The following TAOK3 variants were observed in gnomAD, a reference collection of about 807,000 sequenced individuals.
The protein encoded by TAOK3 is serine/threonine-protein kinase TAO3.
TAOK3 carries 40 observed loss-of-function variants against 120.4 expected under a neutral mutation model. The observed-to-expected ratio is 0.33, with a 90% confidence interval of 0.26 to 0.43. The LOEUF (loss-of-function observed/expected upper bound fraction) is 0.43. Ranked by LOEUF, TAOK3 falls within the 20% of genes least tolerant of loss-of-function variation. The pLI, the probability that TAOK3 is intolerant of heterozygous loss-of-function variation, is 1.00. For synonymous variants in TAOK3, 355 were observed against 387.5 expected (o/e 0.92, Z 0.99); for missense variants, 821 against 1,112.1 (o/e 0.74, Z 3.72).
Position 118,149,863 on chromosome 12 carries a change from T to C in TAOK3, c.*1134A>G, listed in dbSNP as rs1233498026. On this transcript the variant is annotated 3_prime_UTR_variant, in exon 21 of 21. Coordinates refer to ENST00000392533, the MANE Select transcript of TAOK3 (RefSeq NM_016281.4). ...CTCTGACAGTTATCATGCTCTTCCT[T>C]GGAACCTGAAAAATGTTTTGTTTTG... is the stretch of plus-strand genomic sequence containing the variant. 2 of 152,128 alleles carry C rather than the reference T, an allele frequency of 1.3e-5. No individual in the cohort carries two copies. The highest frequency in any genetic ancestry group is 6.6e-5 in the Admixed American group (1 of 15,264). The allele number at this position is 152,128 out of a possible 1,614,324, so 9.4% of individuals were successfully genotyped here.
At chr12:118,242,159 T>G (rs191000920) in intron 5 of TAOK3, among the ~76,000 whole-genome samples, 10 of 152,152 alleles carry the variant, frequency 6.6e-5, no homozygotes, top group African/African-American at 2.2e-4. Context: ...TTGAAATACA[T>G]GAGATTTTAG....
intron 20 of TAOK3, 61 bp downstream of exon 20, chr12:118,152,166 G>C: frequency 2.0e-6 from 3 of 1,514,138 alleles, no homozygotes; most frequent in Non-Finnish European, 2.7e-6. Context: ...ATATATGGCA[G>C]TTCCCTCAGC....
intron 3 of TAOK3, among the ~76,000 whole-genome samples, chr12:118,254,659 G>A (rs2040902643): frequency 6.6e-6 from 1 of 152,176 alleles, no homozygotes; most frequent in Admixed American, 6.5e-5. Flanking sequence ...GTAATGTGCA[G>A]AGTTTTCTAG....
chr12:118,231,464 A>G lies in TAOK3; in HGVS notation c.643+2210T>C, dbSNP rs527753236. 2.0e-5 allele frequency among the ~76,000 whole-genome samples: 3 copies of G among 152,210 alleles called. No individual in the cohort carries two copies. In the East Asian group the frequency reaches 5.8e-4, roughly 29 times the overall value. ...TATGTTGTTTTGTCGGAAGGGGTCA[A>G]TGAAACATTGGCAATGTAATATAAA... On this transcript the variant is annotated intron_variant, in intron 9 of 20. Transcript: ENST00000392533.
At position 118,337,884 on chromosome 12, in the gene TAOK3, TAC is replaced by T. The variant is rs2044431359; in HGVS notation, c.-194+34762_-194+34763del. Among the ~76,000 whole-genome samples, 5 of 152,266 alleles carry T rather than the reference TAC, an allele frequency of 3.3e-5. No individual in the cohort carries two copies. In the South Asian group the frequency reaches 1.0e-3, roughly 32 times the overall value. ...TGGGAAAATTTCATAGACCTAAATA[TAC>T]ACACATGTAAAACTGAGGAAATCTG... On this transcript the variant is annotated intron_variant, in intron 1 of 20. Transcript: ENST00000392533.
chr12:118,162,126 A>G, intron 17 of TAOK3, 99 bp from the exon 18 acceptor site: 3 of 1,430,888 alleles, frequency 2.1e-6, no homozygotes, highest in Non-Finnish European at 2.9e-6. Flanking sequence ...GGCACTGCTA[A>G]CCATCTCTTA....
chr12:118,167,329 A>G (rs988966372), intron 17 of TAOK3, among the ~76,000 whole-genome samples: 1 of 152,160 alleles, frequency 6.6e-6, no homozygotes, highest in Non-Finnish European at 1.5e-5. Flanking sequence ...AGTGATATTT[A>G]TTTTAAAAAT....
In TAOK3 at chr12:118,212,895, T is replaced by C; in HGVS notation, c.819+19A>G. The C allele has an allele frequency of 6.5e-7, 1 of 1,549,850 alleles. No homozygotes were observed. The stretch of plus-strand genomic sequence containing the variant: ...ATGACTTTAAATCCCCCTCCTCAAA[T>C]ATAAATTTGAAAAATTACCCTTAAT... On this transcript the variant is annotated intron_variant, in intron 11 of 20. Coordinates refer to ENST00000392533, the MANE Select transcript of TAOK3 (RefSeq NM_016281.4).
chr12:118,363,727 AGTGTGTGT>A (rs552898130), intron 1 of TAOK3, among the ~76,000 whole-genome samples: 21 of 147,402 alleles, frequency 1.4e-4, no homozygotes, highest in Admixed American at 4.7e-4. Context: ...TGGTCAAGGC[AGTGTGTGT>A]GTGTGTGTGT....
intron 9 of TAOK3, among the ~76,000 whole-genome samples, chr12:118,215,441 G>C (rs1044954639): frequency 4.0e-5 from 6 of 151,728 alleles, no homozygotes; most frequent in African/African-American, 1.2e-4. Context: ...GAACCCGAGA[G>C]GCAGAGCTTG....
chr12:118,246,234 C>T (rs1178331568), intron 3 of TAOK3: 11 of 1,462,910 alleles, frequency 7.5e-6, no homozygotes, highest in East Asian at 2.3e-5. Context: ...CCGCGGAGCT[C>T]GCGGAGGCAA....
At chr12:118,203,109 A>T (rs1270446467) in intron 11 of TAOK3, among the ~76,000 whole-genome samples, 1 of 151,918 alleles carries the variant, frequency 6.6e-6, no homozygotes, top group African/African-American at 2.4e-5. Context: ...ACTTGCCTCA[A>T]TCCTCACCCC....
chr12:118,152,509 T>C (rs1184257830), intron 19 of TAOK3, 100 bp from the exon 20 acceptor site: 9 of 1,235,428 alleles, frequency 7.3e-6, no homozygotes, highest in South Asian at 1.5e-5. Context: ...CTCATTTGGA[T>C]TGAAATTGGT....
chr12:118,257,778 T>C (rs750887846), intron 2 of TAOK3, among the ~76,000 whole-genome samples: 11 of 152,210 alleles, frequency 7.2e-5, no homozygotes, highest in Non-Finnish European at 1.2e-4. Context: ...GTTAGTTCAC[T>C]AGTATACACA....
At chr12:118,203,537 T>TCTACTAAAAATACAA (rs908332443) in intron 11 of TAOK3, among the ~76,000 whole-genome samples, 2 of 151,936 alleles carry the variant, frequency 1.3e-5, no homozygotes, top group Non-Finnish European at 2.9e-5. Flanking sequence ...AAACCCTTTC[T>TCTACTAAAAATACAA]CTACTAAAAA....
rs182488891 is a variant in TAOK3 at position 118,322,900 on chromosome 12, C to T, written c.-194+49748G>A. Among the ~76,000 whole-genome samples, 58 of 151,546 alleles carry T rather than the reference C, an allele frequency of 3.8e-4. No individual in the cohort carries two copies. In the East Asian group the frequency reaches 4.5e-3, roughly 12 times the overall value. On this transcript the variant is annotated intron_variant, in intron 1 of 20. Coordinates refer to ENST00000392533, the MANE Select transcript of TAOK3 (RefSeq NM_016281.4). Reference sequence around the variant, plus strand: ...ACCATTTTTGTATTTTCAATAGAGACGGGGTTTCACCATGTTGGCCAGGCT... The same window carrying T: ...ACCATTTTTGTATTTTCAATAGAGATGGGGTTTCACCATGTTGGCCAGGCT...
intron 9 of TAOK3, among the ~76,000 whole-genome samples, chr12:118,226,300 C>T (rs887399996): frequency 3.9e-5 from 6 of 152,110 alleles, no homozygotes; most frequent in African/African-American, 9.7e-5. Context: ...GGTGTGAACC[C>T]GGGAGGCGGA....
chr12:118,195,107 GTGT>G (rs1401913382), intron 13 of TAOK3, among the ~76,000 whole-genome samples: 1 of 151,872 alleles, frequency 6.6e-6, no homozygotes, highest in Non-Finnish European at 1.5e-5. Flanking sequence ...ATAGAATGAA[GTGT>G]TGTCCCATTA....
chr12:118,207,009 C>T (rs2038355028), intron 11 of TAOK3, among the ~76,000 whole-genome samples: 1 of 151,914 alleles, frequency 6.6e-6, no homozygotes, highest in African/African-American at 2.4e-5. Flanking sequence ...TTTCAACACT[C>T]AAATAACACA....
Sources: gnomAD v4.1 joint callset for allele counts (sites outside exome capture counted in the v4.1 genomes callset) on GRCh38, gnomAD v4.1.1 for gene constraint, MANE v1.5 for transcripts, NCBI Gene and HGNC (gene_info 2026-07-23, HGNC 2026-07-21) for gene names.